The following CCSER1 variants were observed in gnomAD, a reference collection of about 807,000 sequenced individuals.
The protein encoded by CCSER1 is coiled-coil serine rich protein 1, also known as serine-rich coiled-coil domain-containing protein 1.
In CCSER1, 41 loss-of-function variants were observed where a neutral mutation model predicts 82.0. The ratio of observed to expected loss-of-function variants is 0.50; its 90% CI spans 0.39 to 0.65. The LOEUF is 0.65. CCSER1 is among the 30% of genes least tolerant of loss of function. The probability of loss-of-function intolerance (pLI) is 0.00; values close to 1 mark genes in which losing one functional copy is unlikely to be tolerated. For missense variants in CCSER1, 1,119 were observed against 1,064.2 expected (o/e 1.05, Z -0.72); for synonymous variants, 414 against 383.9 (o/e 1.08, Z -0.92).
At chr4:90,721,265 A>T (rs1251531657) in intron 6 of CCSER1, among the ~76,000 whole-genome samples, 2 of 151,910 alleles carry the variant, frequency 1.3e-5, no homozygotes, top group African/African-American at 4.8e-5. Context: ...AGTGTTTGAA[A>T]GAAGCAGTTT....
intron 6 of CCSER1, among the ~76,000 whole-genome samples, chr4:90,635,557 T>G (rs1452847069): frequency 6.6e-6 from 1 of 151,846 alleles, no homozygotes; most frequent in African/African-American, 2.4e-5. Flanking sequence ...TGGATATAGT[T>G]AAAACTATAA....
chr4:90,914,796 G>A (rs1229950420), intron 8 of CCSER1, among the ~76,000 whole-genome samples: 1 of 149,430 alleles, frequency 6.7e-6, no homozygotes, highest in East Asian at 2.0e-4. Context: ...AAAGAGAGAA[G>A]ATTCAAATAG....
intron 10 of CCSER1, among the ~76,000 whole-genome samples, chr4:91,259,186 C>T (rs145362485): frequency 6.4e-4 from 97 of 152,212 alleles, no homozygotes; most frequent in African/African-American, 2.2e-3. Context: ...AAGTGAAATG[C>T]TCCATATGAA....
rs1479557473 is a variant in CCSER1 at position 90,233,338 on chromosome 4, T to C, written c.-41-74906T>C. On this transcript the variant is annotated intron_variant, in intron 1 of 10. Transcript: ENST00000509176. ...GTCCTTTGTAGGGACACGGATGAAA[T>C]TGGAAATCATCATTCTCAGTAAACT... Among the ~76,000 whole-genome samples, 9 of 151,888 alleles carry C rather than the reference T, an allele frequency of 5.9e-5. No homozygotes were observed. The East Asian group carries it at 1.2e-3, about 20-fold the overall frequency.
intron 10 of CCSER1, among the ~76,000 whole-genome samples, chr4:91,209,948 C>G (rs1736672302): frequency 6.6e-6 from 1 of 151,626 alleles, no homozygotes; most frequent in African/African-American, 2.4e-5. Context: ...GCATACCTAC[C>G]ACCCAGATCT....
intron 10 of CCSER1, among the ~76,000 whole-genome samples, chr4:91,226,412 T>A (rs1304226485): frequency 6.6e-6 from 1 of 151,886 alleles, no homozygotes; most frequent in Non-Finnish European, 1.5e-5. Flanking sequence ...AGTTTGAAAA[T>A]CTGAAAATGA....
intron 10 of CCSER1, among the ~76,000 whole-genome samples, chr4:91,174,751 G>A (rs924184612): frequency 1.3e-5 from 2 of 151,608 alleles, no homozygotes; most frequent in Non-Finnish European, 2.9e-5. Flanking sequence ...GATTCTTCAA[G>A]TATGTATTCA....
chr4:90,307,759 C>G (rs1051896924), intron 1 of CCSER1, among the ~76,000 whole-genome samples: 1 of 152,012 alleles, frequency 6.6e-6, no homozygotes. Context: ...GTTGAGCTCA[C>G]GTCAGTAACT....
intron 5 of CCSER1, among the ~76,000 whole-genome samples, chr4:90,504,610 C>T (rs115333006): frequency 0.012 from 1,781 of 152,262 alleles, 13 homozygotes; most frequent in South Asian, 0.022. Context: ...ATCTATTAGA[C>T]AAAAGTTTTT....
intron 5 of CCSER1, among the ~76,000 whole-genome samples, chr4:90,566,452 G>T (rs1018633873): frequency 3.3e-5 from 5 of 151,180 alleles, no homozygotes; most frequent in African/African-American, 1.2e-4. Flanking sequence ...AAGTAGCTAA[G>T]CCATCAGTTC....
chr4:90,467,162 G>A (rs1177291929), intron 4 of CCSER1, among the ~76,000 whole-genome samples: 3 of 151,776 alleles, frequency 2.0e-5, no homozygotes, highest in South Asian at 2.1e-4. Context: ...GGAGGTGGGC[G>A]TATCATGAGG....
chr4:90,533,393 CCTCT>C (rs545767846), intron 5 of CCSER1, among the ~76,000 whole-genome samples: 2 of 152,166 alleles, frequency 1.3e-5, no homozygotes, highest in Non-Finnish European at 2.9e-5. Flanking sequence ...CTGCTCCTGG[CCTCT>C]CTCTGTTTTA....
chr4:91,477,770 A>C (rs1042639369), intron 10 of CCSER1, among the ~76,000 whole-genome samples: 2 of 151,822 alleles, frequency 1.3e-5, no homozygotes, highest in African/African-American at 4.8e-5. Flanking sequence ...ATCAATAAAA[A>C]TTCTTACATT....
intron 6 of CCSER1, among the ~76,000 whole-genome samples, chr4:90,671,562 C>T (rs1945341111): frequency 6.6e-6 from 1 of 151,988 alleles, no homozygotes; most frequent in South Asian, 2.1e-4. Context: ...ATATTTCCAT[C>T]ACATCTGCTG....
chr4:90,291,162 A>G (rs749459541), intron 1 of CCSER1, among the ~76,000 whole-genome samples: 7 of 151,194 alleles, frequency 4.6e-5, no homozygotes, highest in Non-Finnish European at 8.8e-5. Context: ...TATCTCTGGC[A>G]GTGAGAGTCT....
chr4:90,933,066 G>GAAGAAAAGAAAGAAAGAA (rs1234740787), intron 9 of CCSER1, among the ~76,000 whole-genome samples: 4 of 107,636 alleles, frequency 3.7e-5, no homozygotes, highest in Admixed American at 8.9e-5. Flanking sequence ...ACGAAGGAAA[G>GAAGAAAAGAAAGAAAGAA]AAGAAAAGAA....
chr4:91,304,565 T>G (rs1198371920), intron 10 of CCSER1, among the ~76,000 whole-genome samples: 1 of 152,044 alleles, frequency 6.6e-6, no homozygotes, highest in Non-Finnish European at 1.5e-5. Context: ...GTAATCTACT[T>G]TAATTTGCAC....
chr4:90,782,830 A>G (rs1335936417), intron 7 of CCSER1, among the ~76,000 whole-genome samples: 1 of 150,966 alleles, frequency 6.6e-6, no homozygotes, highest in African/African-American at 2.4e-5. Context: ...TACAGGTGCC[A>G]GCCATCACGC....
Position 91,568,719 on chromosome 4 carries a change from G to A in CCSER1, c.2218-29853G>A, listed in dbSNP as rs191440919. Among the ~76,000 whole-genome samples, 5 of 152,076 alleles carry A rather than the reference G, an allele frequency of 3.3e-5. No individual in the cohort carries two copies. The East Asian group carries it at 7.7e-4, about 24-fold the overall frequency. ...GACCCATTAAGTCCTTTTTATACTGGCTATTTCATCATTCAGCTCCTATAT... is the reference window on the plus strand; with the variant it reads ...GACCCATTAAGTCCTTTTTATACTGACTATTTCATCATTCAGCTCCTATAT... On this transcript the variant is annotated intron_variant, in intron 10 of 10. Coordinates refer to ENST00000509176, the MANE Select transcript of CCSER1 (RefSeq NM_001145065.2).
Sources: gnomAD v4.1 joint callset for allele counts (sites outside exome capture counted in the v4.1 genomes callset) on GRCh38, gnomAD v4.1.1 for gene constraint, MANE v1.5 for transcripts, NCBI Gene and HGNC (gene_info 2026-07-23, HGNC 2026-07-21) for gene names.